DDX4: variants seen among roughly 807,000 people sequenced by gnomAD.
The protein encoded by DDX4 is probable ATP-dependent RNA helicase DDX4.
A neutral mutation model predicts 100.0 loss-of-function variants in DDX4; 25 were observed. The ratio of observed to expected loss-of-function variants is 0.25; its 90% CI spans 0.18 to 0.35. DDX4 has a LOEUF of 0.35. Ranked by LOEUF, DDX4 falls within the 10% of genes least tolerant of loss-of-function variation. The pLI is 1.00. For synonymous variants in DDX4, 259 were observed against 275.7 expected (o/e 0.94, Z 0.60); for missense variants, 635 against 882.4 (o/e 0.72, Z 3.55).
Position 55,816,777 on chromosome 5 carries a change from C to A in DDX4, c.*237C>A, listed in dbSNP as rs1744444659. The A allele has an allele frequency of 1.7e-6, 1 of 573,722 alleles. No homozygotes were observed. The highest frequency in any genetic ancestry group is 2.7e-6 in the Non-Finnish European group (1 of 373,914). The allele number at this position is 573,722 out of a possible 1,614,324, so 35.5% of individuals were successfully genotyped here. ...GGGAATATTAAAGCATTCTAAATGT[C>A]TTTCTTATTTCTGGTATATTCTTTA... On this transcript the variant is annotated 3_prime_UTR_variant, in exon 22 of 22. Coordinates refer to ENST00000505374, the MANE Select transcript of DDX4 (RefSeq NM_024415.3).
chr5:55,781,217 A>AATAT, intron 9 of DDX4, 71 bp downstream of exon 9: 1 of 1,248,596 alleles, frequency 8.0e-7, no homozygotes, highest in Non-Finnish European at 1.1e-6. Context: ...TAGTAAACCT[A>AATAT]ATATATATGT....
chr5:55,782,251 T>C, intron 10 of DDX4: 1 of 337,014 alleles, frequency 3.0e-6, no homozygotes, highest in Non-Finnish European at 5.4e-6. Context: ...TACAAGGATG[T>C]TCACTGAGAT....
chr5:55,745,773 T>G (rs555908900), intron 2 of DDX4, among the ~76,000 whole-genome samples: 3 of 152,156 alleles, frequency 2.0e-5, no homozygotes, highest in Non-Finnish European at 4.4e-5. Context: ...AACTTTTACT[T>G]TAAGTCAGGT....
intron 2 of DDX4, among the ~76,000 whole-genome samples, chr5:55,741,399 G>C (rs1257954477): frequency 4.6e-5 from 7 of 152,176 alleles, no homozygotes; most frequent in African/African-American, 1.2e-4. Flanking sequence ...CTTAACACCT[G>C]GTGTTGTGCT....
At chr5:55,802,215 C>A (rs890766134) in intron 18 of DDX4, among the ~76,000 whole-genome samples, 19 of 152,050 alleles carry the variant, frequency 1.2e-4, no homozygotes, top group Admixed American at 1.2e-3. Flanking sequence ...AGGTAACTAC[C>A]ATGAAAACTA....
intron 2 of DDX4, among the ~76,000 whole-genome samples, chr5:55,745,174 C>A (rs1259345201): frequency 6.6e-6 from 1 of 152,144 alleles, no homozygotes; most frequent in African/African-American, 2.4e-5. Context: ...AGCCACTGAG[C>A]CCGGCCAGTG....
At chr5:55,775,055 T>C (rs1036077206) in intron 7 of DDX4, among the ~76,000 whole-genome samples, 11 of 152,240 alleles carry the variant, frequency 7.2e-5, no homozygotes, top group African/African-American at 2.4e-4. Context: ...TGGTAACCTC[T>C]ATTCCATGTT....
chr5:55,745,176 C>T (rs549095723), intron 2 of DDX4, among the ~76,000 whole-genome samples: 19 of 152,198 alleles, frequency 1.2e-4, no homozygotes, highest in African/African-American at 3.4e-4. Flanking sequence ...CCACTGAGCC[C>T]GGCCAGTGAA....
chr5:55,739,017 T>C lies in DDX4; in HGVS notation c.54T>C (p.Val18=). The change falls in exon 2 of 22, where the codon GTT becomes GTC. Residue 18 remains valine (V), a synonymous_variant. Transcript: ENST00000505374. ...TCAACCCTCATATGTCTTCCTATGT[T>C]CCCATATTTGAGAAGGTAATAACAT... ...AEINPHMSSY[V]PIFEKDRYSG... is the part of the protein sequence containing the mutation. 2 of 1,595,158 alleles carry C rather than the reference T, an allele frequency of 1.3e-6. No homozygotes were observed. The highest frequency in any genetic ancestry group is 1.7e-6 in the Non-Finnish European group (2 of 1,163,470).
Position 55,790,688 on chromosome 5 carries a change from A to G in DDX4, c.1285A>G (p.Ile429Val). Residue 429 changes from isoleucine to valine, a missense_variant, in exon 16 of 22, where the codon ATC (isoleucine) becomes GTC (valine). By Grantham distance (29) the Ile-to-Val change is conservative. Around this residue, in one of 4 missense-constraint regions of DDX4, gnomAD observed 446 missense variants for 540.8 expected, o/e 0.82. Coordinates refer to ENST00000505374, the MANE Select transcript of DDX4 (RefSeq NM_024415.3). ...TGCTACTCCTGGAAGACTGATGGATATCATAGGCAAAGAAAAGGTACGCCT... is the reference window on the plus strand; with the variant it reads ...TGCTACTCCTGGAAGACTGATGGATGTCATAGGCAAAGAAAAGGTACGCCT... ...LCATPGRLMD[I>V]IGKEKIGLKQ... The G allele has an allele frequency of 1.2e-6, 2 of 1,612,024 alleles. No individual in the cohort carries two copies. The highest frequency in any genetic ancestry group is 8.5e-7 in the Non-Finnish European group (1 of 1,178,420).
chr5:55,784,055 G>T (rs565502511), intron 10 of DDX4, among the ~76,000 whole-genome samples: 1 of 151,888 alleles, frequency 6.6e-6, no homozygotes, highest in Admixed American at 6.6e-5. Flanking sequence ...TGTTCTTATT[G>T]TTCATCTCCC....
Position 55,815,299 on chromosome 5 carries a change from A to T in DDX4, c.1987-14A>T. The T allele has an allele frequency of 6.2e-7, 1 of 1,604,848 alleles. No individual in the cohort carries two copies. The highest frequency in any genetic ancestry group is 8.5e-7 in the Non-Finnish European group (1 of 1,177,696). ...AATACTTTATGTTGCATATGAAGTC[A>T]ATTTTTTTTAAAGGCTCAACAGGAT... On this transcript the variant is annotated splice_polypyrimidine_tract_variant and intron_variant, in intron 20 of 21. Coordinates refer to ENST00000505374, the MANE Select transcript of DDX4 (RefSeq NM_024415.3).
intron 10 of DDX4, among the ~76,000 whole-genome samples, chr5:55,783,823 A>G (rs1742078257): frequency 1.3e-5 from 2 of 150,664 alleles, no homozygotes. Context: ...ATTCAAGTCC[A>G]AAGGAACCAG....
At chr5:55,792,149 C>T (rs543790161) in intron 16 of DDX4, among the ~76,000 whole-genome samples, 253 of 137,148 alleles carry the variant, frequency 1.8e-3, no homozygotes, top group African/African-American at 4.8e-3. Context: ...AAAAAAAAAG[C>T]GCAGTTAATA....
Position 55,792,721 on chromosome 5 carries a change from G to A in DDX4, c.1383G>A (p.Lys461=). 3 of 1,603,946 alleles carry A rather than the reference G, an allele frequency of 1.9e-6. No individual in the cohort carries two copies. Among genetic ancestry groups the A allele is most frequent in the Non-Finnish European group, 1.7e-6 (2 of 1,173,914 alleles). Residue 461 remains lysine, a synonymous_variant, in exon 17 of 22, where the codon AAG becomes AAA. Coordinates refer to ENST00000505374, the MANE Select transcript of DDX4 (RefSeq NM_024415.3). ...MLDMGFGPEM[K]KLISCPGMPS... ...ATATGGGTTTTGGTCCAGAAATGAA[G>A]AAGTTAATTTCTTGCCCAGGAATGC...
chr5:55,759,948 A>G (rs1760208078), intron 3 of DDX4, among the ~76,000 whole-genome samples: 1 of 152,070 alleles, frequency 6.6e-6, no homozygotes, highest in African/African-American at 2.4e-5. Flanking sequence ...TTTCCATTCA[A>G]TTATGAGGTT....
chr5:55,764,394 A>C (rs1330299331), intron 6 of DDX4, among the ~76,000 whole-genome samples: 2 of 152,212 alleles, frequency 1.3e-5, no homozygotes, highest in East Asian at 3.8e-4. Flanking sequence ...TGTGATGTAT[A>C]GGGTCACATT....
chr5:55,742,290 G>A (rs975069481), intron 2 of DDX4: 3 of 452,856 alleles, frequency 6.6e-6, no homozygotes, highest in African/African-American at 6.0e-5. Context: ...TTACTTACTA[G>A]CTGTGAGGCC....
chr5:55,807,673 A>G (rs959271037), intron 18 of DDX4, among the ~76,000 whole-genome samples: 3 of 152,136 alleles, frequency 2.0e-5, no homozygotes, highest in African/African-American at 4.8e-5. Context: ...TGACTTGTAG[A>G]GTTTCTGCCG....
Sources: allele counts gnomAD v4.1 joint callset (sites outside exome capture counted in the v4.1 genomes callset), GRCh38; gene constraint gnomAD v4.1.1; regional missense constraint gnomAD v4.1.1; transcripts MANE v1.5; gene names NCBI Gene and HGNC (gene_info 2026-07-23, HGNC 2026-07-21).